The following BCKDHB variants were observed in gnomAD, a reference collection of about 807,000 sequenced individuals.
BCKDHB encodes branched chain keto acid dehydrogenase E1 subunit beta.
In BCKDHB, 41 loss-of-function variants were observed where a neutral mutation model predicts 48.5. The ratio of observed to expected loss-of-function variants is 0.85; its 90% CI spans 0.66 to 1.10. The LOEUF (loss-of-function observed/expected upper bound fraction) is 1.10, where lower values mean the gene tolerates loss of function less well. Ranked by LOEUF, BCKDHB falls within the 50% of genes least tolerant of loss-of-function variation. The pLI is 0.00. For missense variants in BCKDHB, 496 were observed against 494.2 expected, an observed-to-expected ratio of 1.00 and a Z score of -0.03; for synonymous variants, 201 against 174.8, an observed-to-expected ratio of 1.15 and a Z score of -1.18.
intron 6 of BCKDHB, among the ~76,000 whole-genome samples, chr6:80,199,195 T>C (rs1162879941): frequency 6.6e-6 from 1 of 151,940 alleles, no homozygotes; most frequent in Non-Finnish European, 1.5e-5. Flanking sequence ...GGGCCCTGCC[T>C]CCTAAGGTAG....
chr6:80,300,961 G>C (rs1010368232), intron 9 of BCKDHB, among the ~76,000 whole-genome samples: 1 of 152,062 alleles, frequency 6.6e-6, no homozygotes, highest in Admixed American at 6.6e-5. Flanking sequence ...CATAGAAATT[G>C]TCAGAAATAA....
At chr6:80,125,719 C>T (rs1490546452) in intron 1 of BCKDHB, among the ~76,000 whole-genome samples, 1 of 152,046 alleles carries the variant, frequency 6.6e-6, no homozygotes, top group African/African-American at 2.4e-5. Context: ...AGAACACATA[C>T]AACATTTATT....
At chr6:80,340,344 A>G (rs986403483) in intron 9 of BCKDHB, among the ~76,000 whole-genome samples, 3 of 152,056 alleles carry the variant, frequency 2.0e-5, no homozygotes, top group African/African-American at 7.2e-5. Context: ...AGCTAGAGAA[A>G]AGTTTCTCTA....
chr6:80,139,444 A>G (rs1258130440), intron 3 of BCKDHB, among the ~76,000 whole-genome samples: 6 of 152,018 alleles, frequency 3.9e-5, no homozygotes, highest in Admixed American at 6.6e-5. Flanking sequence ...TAGGTCTAAC[A>G]TTTAAGTCTT....
intron 3 of BCKDHB, among the ~76,000 whole-genome samples, chr6:80,137,453 A>G (rs925087286): frequency 6.6e-6 from 1 of 152,166 alleles, no homozygotes; most frequent in African/African-American, 2.4e-5. Context: ...TGGTGGTACA[A>G]TCATACTTCA....
At chr6:80,265,013 C>T (rs566769445) in intron 8 of BCKDHB, among the ~76,000 whole-genome samples, 1 of 152,000 alleles carries the variant, frequency 6.6e-6, no homozygotes, top group Non-Finnish European at 1.5e-5. Flanking sequence ...AATGAGATAC[C>T]ACCTCGTTCC....
the BCKDHB span, among the ~76,000 whole-genome samples, chr6:80,375,184 T>G: frequency 6.6e-6 from 1 of 152,250 alleles, no homozygotes; most frequent in Non-Finnish European, 1.5e-5. Context: ...TTCTTGGATT[T>G]GAATGTTTAG....
intron 9 of BCKDHB, among the ~76,000 whole-genome samples, chr6:80,275,809 C>T (rs1030027858): frequency 1.1e-4 from 16 of 151,854 alleles, no homozygotes; most frequent in Non-Finnish European, 8.8e-5. Flanking sequence ...TATGGAAAGC[C>T]TTGTTCCATA....
chr6:80,274,031 G>T (rs2127966290), intron 9 of BCKDHB, among the ~76,000 whole-genome samples: 2 of 152,106 alleles, frequency 1.3e-5, no homozygotes, highest in East Asian at 3.9e-4. Context: ...GTGTGAAGAT[G>T]CTTTAATTGT....
chr6:80,456,660 G>A, the BCKDHB span, among the ~76,000 whole-genome samples: 10 of 152,290 alleles, frequency 6.6e-5, no homozygotes, highest in South Asian at 2.1e-3. Flanking sequence ...AATGCCACTT[G>A]CTAAGTGGCT....
At chr6:80,262,977 T>G (rs1777366798) in intron 8 of BCKDHB, among the ~76,000 whole-genome samples, 1 of 152,176 alleles carries the variant, frequency 6.6e-6, no homozygotes, top group Non-Finnish European at 1.5e-5. Context: ...TGTTGATATT[T>G]TTGTGCATTA....
chr6:80,167,618 T>G, intron 3 of BCKDHB, 60 bp from the exon 4 acceptor site: 1 of 1,479,336 alleles, frequency 6.8e-7, no homozygotes, highest in Non-Finnish European at 9.4e-7. Flanking sequence ...TTTTTAAATG[T>G]ATTATGCATG....
the BCKDHB span, among the ~76,000 whole-genome samples, chr6:80,366,206 G>A: frequency 6.6e-6 from 1 of 152,170 alleles, no homozygotes; most frequent in South Asian, 2.1e-4. Context: ...AGTTCCATGT[G>A]GGCCAGTTGG....
chr6:80,114,617 A>C (rs1769588419), intron 1 of BCKDHB, among the ~76,000 whole-genome samples: 1 of 152,164 alleles, frequency 6.6e-6, no homozygotes. Flanking sequence ...GATGAAAAAA[A>C]GGAAGACATT....
At chr6:80,460,881 T>C in the BCKDHB span, among the ~76,000 whole-genome samples, 8 of 152,258 alleles carry the variant, frequency 5.3e-5, no homozygotes, top group Admixed American at 2.6e-4. Context: ...TCCTTCTCTG[T>C]GAAACTCTTC....
At chr6:80,421,208 G>A in the BCKDHB span, among the ~76,000 whole-genome samples, 1 of 152,086 alleles carries the variant, frequency 6.6e-6, no homozygotes, top group East Asian at 1.9e-4. Context: ...AGTTTCCCTT[G>A]TGTGCTCTCT....
intron 9 of BCKDHB, among the ~76,000 whole-genome samples, chr6:80,303,746 C>CT (rs1767705591): frequency 6.6e-6 from 1 of 151,978 alleles, no homozygotes; most frequent in Non-Finnish European, 1.5e-5. Context: ...ACCTAAGGAA[C>CT]TTGAGTTAAA....
At chr6:80,120,209 G>A (rs1769931445) in intron 1 of BCKDHB, among the ~76,000 whole-genome samples, 1 of 152,144 alleles carries the variant, frequency 6.6e-6, no homozygotes, top group Admixed American at 6.6e-5. Context: ...TTGTATGGCT[G>A]CATAGTATTC....
intron 3 of BCKDHB, among the ~76,000 whole-genome samples, chr6:80,147,425 C>T (rs1051339269): frequency 1.3e-5 from 2 of 152,116 alleles, no homozygotes; most frequent in African/African-American, 4.8e-5. Context: ...TATGTTTGTA[C>T]AAATTCAAGT....
Sources: allele counts gnomAD v4.1 joint callset (sites outside exome capture counted in the v4.1 genomes callset), GRCh38; gene constraint gnomAD v4.1.1; transcripts MANE v1.5; gene names NCBI Gene and HGNC (gene_info 2026-07-23, HGNC 2026-07-21).